The following HELLS variants were observed in gnomAD, a reference collection of about 807,000 sequenced individuals.
The protein encoded by HELLS is lymphoid-specific helicase.
In HELLS, 32 loss-of-function variants were observed where a neutral mutation model predicts 120.0. That is an observed-to-expected ratio of 0.27 (90% confidence interval 0.20 to 0.36). The LOEUF is 0.36. Among genes scored for constraint, HELLS ranks in the 10% least tolerant of loss-of-function variants. The pLI is 1.00. For missense variants in HELLS, 650 were observed against 993.4 expected, an observed-to-expected ratio of 0.65 and a Z score of 4.65; for synonymous variants, 341 against 323.4, an observed-to-expected ratio of 1.05 and a Z score of -0.58.
downstream of HELLS, among the ~76,000 whole-genome samples, chr10:94,606,621 A>G (rs1427146762): frequency 6.6e-6 from 1 of 152,082 alleles, no homozygotes; most frequent in African/African-American, 2.4e-5. Context: ...AAGCATTGGT[A>G]TTATATGTAT....
intron 21 of HELLS, 36 bp from the exon 22 acceptor site, chr10:94,601,492 T>C (rs1226495627): frequency 1.9e-6 from 2 of 1,071,592 alleles, no homozygotes; most frequent in African/African-American, 1.6e-5. Context: ...CTTCTTATAC[T>C]TCTAAAATGT....
chr10:94,554,704 A>G (rs996433555), intron 3 of HELLS, among the ~76,000 whole-genome samples: 3 of 137,530 alleles, frequency 2.2e-5, no homozygotes. Flanking sequence ...GCCCTTAGGT[A>G]GCTTCAGGAT....
At chr10:94,595,739 A>G (rs1845708095) in intron 19 of HELLS, among the ~76,000 whole-genome samples, 1 of 152,220 alleles carries the variant, frequency 6.6e-6, no homozygotes. Context: ...ATTTTCTTTG[A>G]ATAAATGGCT....
In HELLS at chr10:94,601,569, A is replaced by G; in HGVS notation, c.2464A>G (p.Ile822Val). ...AGGACCAATTAAAGAGAAGATGGGG[A>G]TATTCAAGATATTAGAAAATTCTGA... ...ASGPIKEKMG[I>V]FKILENSEDS... Residue 822 changes from isoleucine (I) to valine (V), a missense_variant, in exon 22 of 22, where the codon ATA becomes GTA. Ile to Val is a conservative substitution (Grantham distance 29). Around this residue, in one of 9 missense-constraint regions of HELLS, gnomAD observed 90 missense variants for 109.2 expected, o/e 0.82. Coordinates refer to ENST00000348459, the MANE Select transcript of HELLS (RefSeq NM_018063.5). 4 of 1,585,992 alleles carry G rather than the reference A, an allele frequency of 2.5e-6. No individual in the cohort carries two copies. The highest frequency in any genetic ancestry group is 3.4e-6 in the Non-Finnish European group (4 of 1,159,508).
At chr10:94,571,359 A>T (rs374976469) in intron 6 of HELLS, 29 bp from the exon 7 acceptor site, 13 of 1,416,256 alleles carry the variant, frequency 9.2e-6, no homozygotes, top group East Asian at 2.4e-5. Flanking sequence ...ATACATTATT[A>T]ATTTGTTTTT....
At chr10:94,589,797 C>G (rs1358609560) in intron 13 of HELLS, among the ~76,000 whole-genome samples, 57 of 150,944 alleles carry the variant, frequency 3.8e-4, no homozygotes, top group Non-Finnish European at 7.4e-5. Context: ...TGCCATTCTC[C>G]TGCCTCAGCC....
chr10:94,556,068 A>T (rs1843246956), intron 3 of HELLS, among the ~76,000 whole-genome samples: 1 of 152,196 alleles, frequency 6.6e-6, no homozygotes, highest in Non-Finnish European at 1.5e-5. Context: ...AGGTAAGGCG[A>T]CTTGGGCCTT....
At chr10:94,566,133 C>G (rs375570262) in intron 6 of HELLS, among the ~76,000 whole-genome samples, 2 of 152,000 alleles carry the variant, frequency 1.3e-5, no homozygotes, top group African/African-American at 4.8e-5. Flanking sequence ...GCTCCTGCCT[C>G]GGCCTCCCAG....
At position 94,590,422 on chromosome 10, in the gene HELLS, A is replaced by G. The variant is rs775124872; in HGVS notation, c.1498A>G (p.Ile500Val). 39 of 1,600,282 alleles carry G rather than the reference A, an allele frequency of 2.4e-5. No individual in the cohort carries two copies. Among genetic ancestry groups the G allele is most frequent in the Non-Finnish European group, 3.1e-5 (37 of 1,177,136 alleles). The change falls in exon 14 of 22, where the codon ATT becomes GTT. Residue 500 changes from isoleucine to valine, a missense_variant. This residue lies in a region of HELLS where 191 missense variants were observed against 259.7 expected (regional missense o/e 0.74). Coordinates refer to ENST00000348459, the MANE Select transcript of HELLS (RefSeq NM_018063.5). ...ATTCGTTCCCTTTTAGAAAGAAACA[A>G]TTGAGTTAAGTCCTACTGGTCGACC... is the stretch of plus-strand genomic sequence containing the variant. ...NMFGSSEKET[I>V]ELSPTGRPKR...
chr10:94,606,028 T>G (rs956341506), downstream of HELLS, among the ~76,000 whole-genome samples: 2 of 151,972 alleles, frequency 1.3e-5, no homozygotes, highest in African/African-American at 4.8e-5. Flanking sequence ...GTATTCTAAA[T>G]TAATAACACA....
At chr10:94,577,973 G>GA (rs1293235431) in intron 10 of HELLS, among the ~76,000 whole-genome samples, 1 of 149,748 alleles carries the variant, frequency 6.7e-6, no homozygotes, top group East Asian at 2.0e-4. Context: ...TGAGGCAGGA[G>GA]AATGGCGTGA....
At chr10:94,576,096 C>A (rs565721777) in intron 9 of HELLS, among the ~76,000 whole-genome samples, 1 of 151,982 alleles carries the variant, frequency 6.6e-6, no homozygotes, top group South Asian at 2.1e-4. Context: ...TCCCACCTGG[C>A]CCGTCTATTT....
chr10:94,552,220 G>A (rs1188223396), intron 2 of HELLS, among the ~76,000 whole-genome samples: 1 of 151,570 alleles, frequency 6.6e-6, no homozygotes, highest in Non-Finnish European at 1.5e-5. Flanking sequence ...TAAAAAATCT[G>A]CCACTAGACT....
At chr10:94,596,464 G>C (rs1395172737) in intron 19 of HELLS, among the ~76,000 whole-genome samples, 3 of 152,084 alleles carry the variant, frequency 2.0e-5, no homozygotes, top group African/African-American at 7.2e-5. Context: ...TCAACACAGA[G>C]TCATCTGTGT....
chr10:94,577,690 C>CT (rs1844567118), intron 10 of HELLS: 2 of 152,406 alleles, frequency 1.3e-5, no homozygotes, highest in Admixed American at 1.3e-4. Context: ...ACTTGGGAGT[C>CT]TGAGGTGGGC....
intron 9 of HELLS, among the ~76,000 whole-genome samples, 184 bp downstream of exon 9, chr10:94,574,920 A>G (rs758765747): frequency 1.3e-5 from 2 of 152,136 alleles, no homozygotes; most frequent in Non-Finnish European, 2.9e-5. Context: ...GGTTTTGGAA[A>G]TCCCTGACAT....
Position 94,592,265 on chromosome 10 carries a change from T to G in HELLS, c.1804T>G (p.Leu602Val), listed in dbSNP as rs370633028. Residue 602 changes from leucine to valine, a missense_variant, in exon 16 of 22, where the codon TTG becomes GTG. This residue lies in a region of HELLS where 191 missense variants were observed against 259.7 expected (regional missense o/e 0.74). Transcript: ENST00000348459. The stretch of plus-strand genomic sequence containing the variant: ...ATTGGTAACAAATTCTGGGAAGTTC[T>G]TGATTTTGGATCGAATGCTGCCAGA... ...EELVTNSGKF[L>V]ILDRMLPELK... 1 of 1,612,704 alleles carries G rather than the reference T, an allele frequency of 6.2e-7. No individual in the cohort carries two copies. Among genetic ancestry groups the G allele is most frequent in the Non-Finnish European group, 8.5e-7 (1 of 1,179,376 alleles).
rs1303368861 is a variant in HELLS at position 94,601,695 on chromosome 10, C to G, written c.*73C>G. Reference sequence around the variant, plus strand: ...ATTTCCCTGTATTGGGTTTGAAATACTGATTGTCCACTTCACCTTTTTTAT... The same window carrying G: ...ATTTCCCTGTATTGGGTTTGAAATAGTGATTGTCCACTTCACCTTTTTTAT... On this transcript the variant is annotated 3_prime_UTR_variant, in exon 22 of 22. Transcript: ENST00000348459. 7 of 746,830 alleles carry G rather than the reference C, an allele frequency of 9.4e-6. No homozygotes were observed. Among genetic ancestry groups the G allele is most frequent in the African/African-American group, 1.8e-5 (1 of 56,146 alleles). The allele number at this position is 746,830 out of a possible 1,614,324, so 46.3% of individuals were successfully genotyped here.
intron 4 of HELLS, among the ~76,000 whole-genome samples, chr10:94,559,362 A>G (rs535544654): frequency 6.6e-6 from 1 of 152,302 alleles, no homozygotes; most frequent in African/African-American, 2.4e-5. Context: ...ATATGGAGAA[A>G]GTATGTCTTG....
Sources: allele counts gnomAD v4.1 joint callset (sites outside exome capture counted in the v4.1 genomes callset), GRCh38; gene constraint gnomAD v4.1.1; regional missense constraint gnomAD v4.1.1; transcripts MANE v1.5; gene names NCBI Gene and HGNC (gene_info 2026-07-23, HGNC 2026-07-21).